The following DENND11 variants were observed in gnomAD, a reference collection of about 807,000 sequenced individuals.
DENND11 encodes the protein DENN domain containing 11, also known as DENN domain-containing protein 11.
A neutral mutation model predicts 49.2 loss-of-function variants in DENND11; 34 were observed. That is an observed-to-expected ratio of 0.69 (90% CI 0.53 to 0.92). The LOEUF (loss-of-function observed/expected upper bound fraction) is 0.92, where lower values mean the gene tolerates loss of function less well. DENND11 is among the 40% of genes least tolerant of loss of function. The pLI, the probability that DENND11 is intolerant of heterozygous loss-of-function variation, is 0.00. For missense variants in DENND11, 475 were observed against 581.6 expected (o/e 0.82, Z 1.88); for synonymous variants, 238 against 230.3 (o/e 1.03, Z -0.30).
chr7:141,671,479 T>A (rs142165383), intron 4 of DENND11, among the ~76,000 whole-genome samples: 1,917 of 151,872 alleles, frequency 0.013, 18 homozygotes, highest in Non-Finnish European at 0.02. Flanking sequence ...GCCTGGCCGT[T>A]TTTTATTTTG....
At chr7:141,700,892 CCCGCACGAA>C (rs1388647972) in intron 1 of DENND11, among the ~76,000 whole-genome samples, 2 of 152,106 alleles carry the variant, frequency 1.3e-5, no homozygotes, top group African/African-American at 4.8e-5. Context: ...CCAATATTTT[CCCGCACGAA>C]CAGGCACTCC....
chr7:141,663,710 A>G (rs2117050471), intron 8 of DENND11: 1 of 153,884 alleles, frequency 6.5e-6, no homozygotes, highest in Admixed American at 6.5e-5. Context: ...CTGTCTAGGA[A>G]TGAAATCAGT....
intron 1 of DENND11, among the ~76,000 whole-genome samples, chr7:141,687,960 T>C (rs1798271032): frequency 6.6e-6 from 1 of 152,046 alleles, no homozygotes; most frequent in African/African-American, 2.4e-5. Flanking sequence ...TTTGTATTTT[T>C]AGTAGAGATG....
At chr7:141,677,764 T>C (rs771041541) in intron 3 of DENND11, among the ~76,000 whole-genome samples, 26 of 151,836 alleles carry the variant, frequency 1.7e-4, no homozygotes, top group Non-Finnish European at 2.9e-4. Flanking sequence ...CTCACAAGGA[T>C]GCTGATGTTC....
intron 1 of DENND11, chr7:141,701,638 G>C (rs957996262): frequency 3.9e-6 from 1 of 254,996 alleles, no homozygotes; most frequent in African/African-American, 2.3e-5. Flanking sequence ...GAGGTCGGCG[G>C]GGCTGGAACA....
intron 3 of DENND11, among the ~76,000 whole-genome samples, chr7:141,683,574 C>T (rs889388500): frequency 1.7e-4 from 26 of 152,118 alleles, no homozygotes; most frequent in African/African-American, 6.3e-4. Context: ...ACCCAGGAGG[C>T]GGAGGTTGCA....
At chr7:141,677,507 A>G (rs552057760) in intron 3 of DENND11, among the ~76,000 whole-genome samples, 2,844 of 132,340 alleles carry the variant, frequency 0.021, 78 homozygotes, top group African/African-American at 0.073. Context: ...GTGTGTGTAT[A>G]TATATATATA....
At chr7:141,696,471 T>C (rs1798415456) in intron 1 of DENND11, among the ~76,000 whole-genome samples, 1 of 152,184 alleles carries the variant, frequency 6.6e-6, no homozygotes, top group South Asian at 2.1e-4. Context: ...TTCTTCTTCC[T>C]CCTCTGTTAG....
At chr7:141,694,637 A>G (rs1798383266) in intron 1 of DENND11, among the ~76,000 whole-genome samples, 1 of 152,200 alleles carries the variant, frequency 6.6e-6, no homozygotes, top group Admixed American at 6.5e-5. Flanking sequence ...AGCAAAAAAA[A>G]GAAAAGTCTA....
intron 7 of DENND11, among the ~76,000 whole-genome samples, 161 bp from the exon 8 acceptor site, chr7:141,664,401 G>A (rs1425743905): frequency 6.6e-6 from 1 of 152,126 alleles, no homozygotes; most frequent in African/African-American, 2.4e-5. Context: ...TGGGGTCCAG[G>A]GCCAGTTCTG....
At chr7:141,670,623 A>G (rs1797965882) in intron 4 of DENND11, among the ~76,000 whole-genome samples, 1 of 152,232 alleles carries the variant, frequency 6.6e-6, no homozygotes, top group East Asian at 1.9e-4. Flanking sequence ...CCCCACGTTA[A>G]GTCAAGAAGC....
intron 1 of DENND11, among the ~76,000 whole-genome samples, chr7:141,687,631 A>AT (rs36080710): frequency 0.033 from 3,718 of 112,728 alleles, 197 homozygotes; most frequent in South Asian, 0.16. Flanking sequence ...CACTCGGCTA[A>AT]TTTTTTTTTT....
rs1392465725 is a variant in DENND11 at position 141,661,021 on chromosome 7, A to G, written c.*1635T>C. The G allele has an allele frequency of 1.3e-5, 2 of 152,242 alleles. No homozygotes were observed. Among genetic ancestry groups the G allele is most frequent in the Non-Finnish European group, 2.9e-5 (2 of 68,034 alleles). 9.4% of individuals were successfully genotyped at this position (152,242 alleles called of 1,614,324 possible). ...TGCATTTCCACATGTGAATTTCTTC[A>G]GTTTTGATATTCCATATGAAGGAGC... On this transcript the variant is annotated 3_prime_UTR_variant, in exon 9 of 9. Transcript: ENST00000536163.
Position 141,658,852 on chromosome 7 carries a change from G to A in DENND11, c.*3804C>T, listed in dbSNP as rs1056582766. The stretch of plus-strand genomic sequence containing the variant: ...GTCCTTTACAAAAGCTTCCCTGAAG[G>A]CCTCAGTTTAAAGATGAGTGATTTC... On this transcript the variant is annotated 3_prime_UTR_variant, in exon 9 of 9. Coordinates refer to ENST00000536163, the MANE Select transcript of DENND11 (RefSeq NM_001080392.2). The A allele has an allele frequency of 6.6e-5, 10 of 152,472 alleles. No individual in the cohort carries two copies. Among genetic ancestry groups the A allele is most frequent in the African/African-American group, 2.4e-4 (10 of 41,390 alleles). 9.4% of individuals were successfully genotyped at this position (152,472 alleles called of 1,614,324 possible).
intron 3 of DENND11, among the ~76,000 whole-genome samples, chr7:141,682,044 A>C (rs1015523703): frequency 1.3e-5 from 2 of 152,218 alleles, no homozygotes; most frequent in South Asian, 2.1e-4. Context: ...TTCCAAACAG[A>C]AGCTTGTATT....
chr7:141,677,237 C>T (rs1195613592), intron 3 of DENND11, among the ~76,000 whole-genome samples: 3 of 151,642 alleles, frequency 2.0e-5, no homozygotes, highest in Non-Finnish European at 4.4e-5. Context: ...ACCAGCCTGG[C>T]CAACATGGTG....
At position 141,674,230 on chromosome 7, in the gene DENND11, AACACACACACACAC is replaced by A. The variant is rs35125206; in HGVS notation, c.528-24_528-11del. On this transcript the variant is annotated splice_polypyrimidine_tract_variant and intron_variant, in intron 3 of 8. Coordinates refer to ENST00000536163, the MANE Select transcript of DENND11 (RefSeq NM_001080392.2). ...CATCTCCAACTGGTGCCTGCAGAAA[AACACACACACACAC>A]ACACACACACACACAGTGAGAACAG... 2.3e-5 allele frequency: 35 copies of A among 1,493,360 alleles called. No individual in the cohort carries two copies. Among genetic ancestry groups the A allele is most frequent in the East Asian group, 5.0e-5 (2 of 39,992 alleles). 92.5% of individuals were successfully genotyped at this position (1,493,360 alleles called of 1,614,324 possible). A position where few individuals can be genotyped will look rare whatever the true frequency, so the allele number is the denominator to read the frequency against.
intron 3 of DENND11, among the ~76,000 whole-genome samples, chr7:141,684,012 T>G (rs1472582113): frequency 1.3e-5 from 2 of 152,204 alleles, no homozygotes; most frequent in Non-Finnish European, 2.9e-5. Flanking sequence ...ACTGCAGCAT[T>G]GAACTTCTGG....
intron 3 of DENND11, among the ~76,000 whole-genome samples, chr7:141,681,198 T>TG (rs1441725845): frequency 6.6e-6 from 1 of 152,188 alleles, no homozygotes; most frequent in Non-Finnish European, 1.5e-5. Flanking sequence ...AATGCTGGTG[T>TG]GTGTTGACTG....
Sources: allele counts gnomAD v4.1 joint callset (sites outside exome capture counted in the v4.1 genomes callset), GRCh38; gene constraint gnomAD v4.1.1; transcripts MANE v1.5; gene names NCBI Gene and HGNC (gene_info 2026-07-23, HGNC 2026-07-21).